The following CCDC178 variants were observed in gnomAD, a reference collection of about 807,000 sequenced individuals.
CCDC178 encodes coiled-coil domain-containing protein 178.
A neutral mutation model predicts 117.4 loss-of-function variants in CCDC178; 126 were observed. The observed-to-expected ratio is 1.07, with a 90% CI of 0.93 to 1.24. CCDC178 has a LOEUF of 1.24. CCDC178 is among the 50% of genes most tolerant of loss of function. The pLI, the probability that CCDC178 is intolerant of heterozygous loss-of-function variation, is 0.00. For synonymous variants in CCDC178, 283 were observed against 313.4 expected, an observed-to-expected ratio of 0.90 and a Z score of 1.02; for missense variants, 1,030 against 986.9, an observed-to-expected ratio of 1.04 and a Z score of -0.59.
At chr18:32,998,173 G>A (rs1475688356) in intron 21 of CCDC178, among the ~76,000 whole-genome samples, 2 of 152,196 alleles carry the variant, frequency 1.3e-5, no homozygotes, top group Non-Finnish European at 2.9e-5. Context: ...GCTTGGAGGA[G>A]GCAGAGTGAT....
At chr18:33,323,714 T>C in intron 10 of CCDC178, 81 bp from the exon 11 acceptor site, 1 of 847,792 alleles carries the variant, frequency 1.2e-6, no homozygotes, top group East Asian at 3.2e-5. Context: ...GTAGTATTGA[T>C]TTAGATCAAA....
chr18:32,958,124 C>A, intron 22 of CCDC178: 1 of 475,998 alleles, frequency 2.1e-6, no homozygotes, highest in Non-Finnish European at 3.8e-6. Flanking sequence ...CTAATGAATT[C>A]TGATGAGAAA....
At chr18:33,265,211 A>G (rs1424404698) in intron 14 of CCDC178, among the ~76,000 whole-genome samples, 2 of 152,096 alleles carry the variant, frequency 1.3e-5, no homozygotes, top group Non-Finnish European at 1.5e-5. Flanking sequence ...CAAACTTCCA[A>G]TACAATAATC....
chr18:33,308,315 C>T (rs1324570652), intron 11 of CCDC178, among the ~76,000 whole-genome samples: 3 of 152,208 alleles, frequency 2.0e-5, no homozygotes, highest in Non-Finnish European at 4.4e-5. Flanking sequence ...AATGACTGCC[C>T]TATTGGATTT....
At chr18:33,209,134 T>C (rs2059079184) in intron 20 of CCDC178, among the ~76,000 whole-genome samples, 1 of 152,040 alleles carries the variant, frequency 6.6e-6, no homozygotes, top group African/African-American at 2.4e-5. Context: ...CTCTGATGAA[T>C]ATGGTACACT....
rs188572114 is a variant in CCDC178, at chr18:33,243,487, C to G, written c.1593+1758G>C. On this transcript the variant is annotated intron_variant, in intron 15 of 22. Transcript: ENST00000383096. The stretch of plus-strand genomic sequence containing the variant: ...TGATCACTATATTATACATGTATGG[C>G]AATATCACTATGTACCCAATAAATA... Among the ~76,000 whole-genome samples the G allele has an allele frequency of 1.4e-4, 22 of 151,760 alleles. No homozygotes were observed. In the East Asian group the frequency reaches 3.7e-3, roughly 25 times the overall value.
At chr18:33,208,269 A>G (rs1222604767) in intron 20 of CCDC178, among the ~76,000 whole-genome samples, 1 of 152,116 alleles carries the variant, frequency 6.6e-6, no homozygotes, top group Admixed American at 6.6e-5. Context: ...CATTAAGGCA[A>G]ATAACTCTTG....
chr18:33,360,871 T>C (rs749838450), intron 6 of CCDC178, among the ~76,000 whole-genome samples: 16 of 151,636 alleles, frequency 1.1e-4, no homozygotes, highest in Non-Finnish European at 2.4e-4. Context: ...AATAAATATG[T>C]GTTTACAAAT....
chr18:33,270,358 G>C (rs1438932402), intron 12 of CCDC178, among the ~76,000 whole-genome samples: 1 of 151,328 alleles, frequency 6.6e-6, no homozygotes, highest in African/African-American at 2.4e-5. Flanking sequence ...TGCAAAATTT[G>C]GTTTAAAATA....
chr18:33,180,781 A>G (rs1441603753), intron 20 of CCDC178, among the ~76,000 whole-genome samples: 1 of 152,086 alleles, frequency 6.6e-6, no homozygotes, highest in African/African-American at 2.4e-5. Flanking sequence ...CTTTAGCTAT[A>G]CAAAACAAGA....
At chr18:33,117,072 A>C (rs983147808) in intron 20 of CCDC178, among the ~76,000 whole-genome samples, 1 of 152,068 alleles carries the variant, frequency 6.6e-6, no homozygotes, top group Non-Finnish European at 1.5e-5. Context: ...ACCATGGACT[A>C]CTAAGGGGCA....
At chr18:32,942,253 T>C (rs966272185) in intron 22 of CCDC178, among the ~76,000 whole-genome samples, 6 of 152,122 alleles carry the variant, frequency 3.9e-5, no homozygotes, top group African/African-American at 1.4e-4. Flanking sequence ...TCACATCAAT[T>C]TCATTTTGAA....
intron 21 of CCDC178, among the ~76,000 whole-genome samples, chr18:33,040,713 C>T (rs953586850): frequency 2.6e-5 from 4 of 151,818 alleles, no homozygotes; most frequent in African/African-American, 9.7e-5. Context: ...AAAATGAACT[C>T]AAGGAAAAAA....
At chr18:33,215,514 A>T (rs1346299437) in intron 19 of CCDC178, 36 bp downstream of exon 19, 16 of 1,089,770 alleles carry the variant, frequency 1.5e-5, no homozygotes, top group East Asian at 3.2e-5. Flanking sequence ...AATATTTTTT[A>T]AAAACTTCAT....
chr18:33,119,085 C>T (rs1048118356), intron 20 of CCDC178, among the ~76,000 whole-genome samples: 3 of 152,088 alleles, frequency 2.0e-5, no homozygotes, highest in Non-Finnish European at 2.9e-5. Flanking sequence ...CATAAAAACC[C>T]TAGAAGAAAA....
intron 2 of CCDC178, among the ~76,000 whole-genome samples, chr18:33,437,949 T>C (rs943658747): frequency 6.6e-6 from 1 of 152,186 alleles, no homozygotes; most frequent in African/African-American, 2.4e-5. Flanking sequence ...TGTCCATAAA[T>C]ACAATGTGTG....
At chr18:33,010,560 G>T (rs980087767) in intron 21 of CCDC178, among the ~76,000 whole-genome samples, 2 of 152,118 alleles carry the variant, frequency 1.3e-5, no homozygotes, top group African/African-American at 4.8e-5. Flanking sequence ...AGCTGCCTTA[G>T]GTGGCAAATT....
At chr18:33,093,383 A>C (rs920952035) in intron 20 of CCDC178, among the ~76,000 whole-genome samples, 1 of 152,108 alleles carries the variant, frequency 6.6e-6, no homozygotes, top group African/African-American at 2.4e-5. Flanking sequence ...CCCACAGAAA[A>C]CATTAAAAAC....
At chr18:33,135,615 T>C (rs1449056790) in intron 20 of CCDC178, among the ~76,000 whole-genome samples, 1 of 152,240 alleles carries the variant, frequency 6.6e-6, no homozygotes, top group Non-Finnish European at 1.5e-5. Flanking sequence ...TTCTTTAATG[T>C]GATAACTTTC....
Sources: gnomAD v4.1 joint callset for allele counts (sites outside exome capture counted in the v4.1 genomes callset) on GRCh38, gnomAD v4.1.1 for gene constraint, MANE v1.5 for transcripts, NCBI Gene and HGNC (gene_info 2026-07-23, HGNC 2026-07-21) for gene names.